Variants in ZNF385D observed in about 807,000 individuals in gnomAD.
ZNF385D encodes zinc finger protein 385D.
Under a neutral mutation model 35.8 loss-of-function variants are expected in ZNF385D, and 15 were observed. The observed-to-expected ratio is 0.42, with a 90% CI of 0.28 to 0.64. ZNF385D has a LOEUF of 0.64. Among genes scored for constraint, ZNF385D ranks in the 30% least tolerant of loss-of-function variants. The pLI is 0.23. For synonymous variants in ZNF385D, 212 were observed against 186.8 expected, an observed-to-expected ratio of 1.13 and a Z score of -1.10; for missense variants, 474 against 494.6, an observed-to-expected ratio of 0.96 and a Z score of 0.39.
At chr3:21,921,538 T>C (rs1447268281) in intron 3 of ZNF385D, among the ~76,000 whole-genome samples, 1 of 152,038 alleles carries the variant, frequency 6.6e-6, no homozygotes, top group African/African-American at 2.4e-5. Flanking sequence ...ATCAAAGCAA[T>C]CAATAGAATC....
chr3:21,684,410 T>TC (rs1181492730), intron 1 of ZNF385D, among the ~76,000 whole-genome samples: 1 of 76,114 alleles, frequency 1.3e-5, no homozygotes, highest in African/African-American at 4.5e-5. Flanking sequence ...CTCTCCTCTC[T>TC]CTCTCTCTCT....
intron 3 of ZNF385D, among the ~76,000 whole-genome samples, chr3:21,563,583 C>T (rs138768972): frequency 1.2e-3 from 186 of 152,312 alleles, no homozygotes; most frequent in South Asian, 2.3e-3. Context: ...ATCCTATCTT[C>T]GTCACCAGAG....
intron 3 of ZNF385D, among the ~76,000 whole-genome samples, chr3:22,038,746 T>A (rs1359894546): frequency 6.6e-6 from 1 of 151,994 alleles, no homozygotes; most frequent in African/African-American, 2.4e-5. Context: ...GATGTTAAGA[T>A]TATAGATTTC....
At chr3:22,234,820 T>C (rs1037399577) in intron 2 of ZNF385D, among the ~76,000 whole-genome samples, 2 of 152,068 alleles carry the variant, frequency 1.3e-5, no homozygotes, top group African/African-American at 4.8e-5. Flanking sequence ...GGCCTGTACA[T>C]TGTGAATGCT....
chr3:21,512,162 A>G (rs1339760228), intron 3 of ZNF385D, among the ~76,000 whole-genome samples: 1 of 151,668 alleles, frequency 6.6e-6, no homozygotes, highest in Non-Finnish European at 1.5e-5. Flanking sequence ...AAAAAAAAAA[A>G]AAGAAGTACA....
intron 3 of ZNF385D, among the ~76,000 whole-genome samples, chr3:22,066,566 GTGTGTGT>G (rs1379850918): frequency 2.2e-5 from 3 of 133,928 alleles, no homozygotes; most frequent in Non-Finnish European, 5.0e-5. Context: ...GTGTGTGTGT[GTGTGTGT>G]GTGTGTGTAA....
At chr3:22,272,963 C>G (rs1253244096) in intron 2 of ZNF385D, among the ~76,000 whole-genome samples, 1 of 151,770 alleles carries the variant, frequency 6.6e-6, no homozygotes, top group East Asian at 1.9e-4. Flanking sequence ...ACTTTTTTCA[C>G]TTTCATATTT....
intron 3 of ZNF385D, among the ~76,000 whole-genome samples, chr3:22,082,646 C>T (rs772063568): frequency 6.6e-6 from 1 of 152,194 alleles, no homozygotes; most frequent in Admixed American, 6.5e-5. Context: ...CAAAAGGCAG[C>T]AGAAACGTCT....
At chr3:21,922,159 AG>A (rs1196609787) in intron 3 of ZNF385D, among the ~76,000 whole-genome samples, 2 of 81,356 alleles carry the variant, frequency 2.5e-5, no homozygotes, top group Admixed American at 3.8e-4. Flanking sequence ...ATGGAAAAAT[AG>A]TCCATGCTCA....
chr3:22,104,212 T>G (rs1290548927), intron 3 of ZNF385D, among the ~76,000 whole-genome samples: 2 of 152,120 alleles, frequency 1.3e-5, no homozygotes, highest in East Asian at 3.9e-4. Context: ...AGCAGGTGCA[T>G]CTGTGAAAAC....
chr3:22,353,751 T>C (rs1166118221), intron 2 of ZNF385D, among the ~76,000 whole-genome samples: 1 of 152,134 alleles, frequency 6.6e-6, no homozygotes, highest in Non-Finnish European at 1.5e-5. Context: ...AGAGCAATCT[T>C]ACTCTCCATC....
At chr3:22,027,578 A>G (rs1244813210) in intron 3 of ZNF385D, among the ~76,000 whole-genome samples, 3 of 152,170 alleles carry the variant, frequency 2.0e-5, no homozygotes, top group Non-Finnish European at 4.4e-5. Context: ...TTTGGTGGAA[A>G]CTGGACATTT....
intron 2 of ZNF385D, among the ~76,000 whole-genome samples, chr3:22,303,434 GTGCCAAGGAGAGGTATT>G (rs1306359616): frequency 6.6e-6 from 1 of 152,130 alleles, no homozygotes; most frequent in Non-Finnish European, 1.5e-5. Context: ...ACCTGCTTGT[GTGCCAAGGAGAGGTATT>G]TGCTTTACAA....
intron 4 of ZNF385D, among the ~76,000 whole-genome samples, chr3:21,489,965 A>G (rs1413501986): frequency 6.6e-6 from 1 of 152,060 alleles, no homozygotes; most frequent in Non-Finnish European, 1.5e-5. Flanking sequence ...TCCTTTACAT[A>G]AGTTCCTAAA....
At chr3:21,936,552 T>A (rs1701268348) in intron 3 of ZNF385D, among the ~76,000 whole-genome samples, 1 of 152,094 alleles carries the variant, frequency 6.6e-6, no homozygotes, top group Non-Finnish European at 1.5e-5. Context: ...TTTATAGCAT[T>A]TATCATAATT....
chr3:21,706,739 A>T (rs2067912929), intron 1 of ZNF385D, among the ~76,000 whole-genome samples: 1 of 152,182 alleles, frequency 6.6e-6, no homozygotes, highest in South Asian at 2.1e-4. Context: ...GCATCTGTTA[A>T]GGTAACAGAG....
At chr3:22,083,313 C>G (rs191427898) in intron 3 of ZNF385D, among the ~76,000 whole-genome samples, 1 of 152,086 alleles carries the variant, frequency 6.6e-6, no homozygotes, top group Non-Finnish European at 1.5e-5. Flanking sequence ...TCGAACCCAT[C>G]GCAAGGAAGG....
chr3:21,612,984 TTC>T (rs1441729601), intron 2 of ZNF385D, among the ~76,000 whole-genome samples: 3 of 123,006 alleles, frequency 2.4e-5, no homozygotes, highest in Non-Finnish European at 4.8e-5. Context: ...AACATCTTTT[TTC>T]TTTTTTCTTT....
intron 2 of ZNF385D, among the ~76,000 whole-genome samples, chr3:22,357,971 T>C (rs1457094089): frequency 3.3e-5 from 5 of 152,040 alleles, no homozygotes; most frequent in Admixed American, 6.6e-5. Context: ...ATATTTTAAA[T>C]GGTCTATTTT....
Sources: gnomAD v4.1 joint callset for allele counts (sites outside exome capture counted in the v4.1 genomes callset) on GRCh38, gnomAD v4.1.1 for gene constraint, MANE v1.5 for transcripts, NCBI Gene and HGNC (gene_info 2026-07-23, HGNC 2026-07-21) for gene names.